Variants in ZNF385D observed in about 807,000 individuals in gnomAD.
ZNF385D encodes the protein zinc finger protein 385D.
ZNF385D carries 15 observed loss-of-function variants against 35.8 expected under a neutral mutation model. The ratio of observed to expected loss-of-function variants is 0.42; its 90% CI spans 0.28 to 0.64. ZNF385D has a LOEUF of 0.64. Ranked by LOEUF, ZNF385D falls within the 30% of genes least tolerant of loss-of-function variation. ZNF385D has a pLI of 0.23. For synonymous variants in ZNF385D, 212 were observed against 186.8 expected (o/e 1.13, Z -1.10); for missense variants, 474 against 494.6 (o/e 0.96, Z 0.39).
chr3:21,659,547 G>T (rs531104434), intron 2 of ZNF385D, among the ~76,000 whole-genome samples: 4 of 152,184 alleles, frequency 2.6e-5, no homozygotes, highest in African/African-American at 9.6e-5. Context: ...ATACAAGGAA[G>T]GCTCGTAGCA....
At chr3:21,893,083 G>C (rs763642636) in intron 3 of ZNF385D, among the ~76,000 whole-genome samples, 1 of 152,150 alleles carries the variant, frequency 6.6e-6, no homozygotes, top group African/African-American at 2.4e-5. Flanking sequence ...CTGAATGGTG[G>C]CTGTAACACT....
At chr3:21,551,233 G>T (rs1414772060) in intron 3 of ZNF385D, among the ~76,000 whole-genome samples, 2 of 152,154 alleles carry the variant, frequency 1.3e-5, no homozygotes, top group African/African-American at 4.8e-5. Context: ...CCATGCCATT[G>T]TAGTAACAAC....
intron 4 of ZNF385D, among the ~76,000 whole-genome samples, chr3:21,472,042 C>T (rs1703927918): frequency 1.3e-5 from 2 of 152,014 alleles, no homozygotes. Flanking sequence ...CACAGTGTGA[C>T]CTGAATATTT....
rs1468048939 is a variant in ZNF385D at position 22,244,295 on chromosome 3, G to C, written c.107-75260C>G. ...TATCTTGAAATTGTGTTACTCTTTG[G>C]AGAGTTTTAAGATAAACTCTCTCGC... On this transcript the variant is annotated intron_variant, in intron 2 of 5. Transcript: ENST00000494108. Among the ~76,000 whole-genome samples, 6 of 139,660 alleles carry C rather than the reference G, an allele frequency of 4.3e-5. 1 individual carries two copies. Among genetic ancestry groups the C allele is most frequent in the African/African-American group, 1.6e-4 (6 of 36,978 alleles). The allele number at this position is 139,660 out of a possible 152,430, so 91.6% of individuals were successfully genotyped here. A position where few individuals can be genotyped will look rare whatever the true frequency, so the allele number is the denominator to read the frequency against.
At chr3:21,851,388 T>C (rs568630607) in intron 3 of ZNF385D, among the ~76,000 whole-genome samples, 3 of 152,124 alleles carry the variant, frequency 2.0e-5, no homozygotes, top group Non-Finnish European at 4.4e-5. Flanking sequence ...ATACACTCAA[T>C]ATATGTCCAG....
chr3:21,741,304 C>A (rs1306489262), intron 1 of ZNF385D, among the ~76,000 whole-genome samples: 3 of 152,160 alleles, frequency 2.0e-5, no homozygotes, highest in Non-Finnish European at 4.4e-5. Flanking sequence ...TAGGATCCTA[C>A]ACAACTTTTC....
chr3:21,622,823 C>A (rs1460509394), intron 2 of ZNF385D, among the ~76,000 whole-genome samples: 1 of 151,970 alleles, frequency 6.6e-6, no homozygotes, highest in Non-Finnish European at 1.5e-5. Flanking sequence ...AAATTCATGT[C>A]TCTAAATTAA....
intron 2 of ZNF385D, among the ~76,000 whole-genome samples, chr3:21,593,992 G>T (rs917201548): frequency 1.3e-5 from 2 of 152,008 alleles, no homozygotes; most frequent in Non-Finnish European, 2.9e-5. Context: ...TGGTTATACT[G>T]AAACAGTTAA....
intron 3 of ZNF385D, among the ~76,000 whole-genome samples, chr3:22,150,599 TCTTC>T (rs1340438158): frequency 6.6e-6 from 1 of 152,136 alleles, no homozygotes; most frequent in Non-Finnish European, 1.5e-5. Flanking sequence ...ATTTCTAATC[TCTTC>T]CTTCAGGCTA....
Position 21,564,692 on chromosome 3 carries a change from G to C in ZNF385D, c.166-8C>G. The C allele has an allele frequency of 6.7e-7, 1 of 1,503,534 alleles. No individual in the cohort carries two copies. The highest frequency in any genetic ancestry group is 9.0e-7 in the Non-Finnish European group (1 of 1,116,296). The allele number at this position is 1,503,534 out of a possible 1,614,324, so 93.1% of individuals were successfully genotyped here. A position where few individuals can be genotyped will look rare whatever the true frequency, so the allele number is the denominator to read the frequency against. On this transcript the variant is annotated splice_polypyrimidine_tract_variant and splice_region_variant and intron_variant, in intron 2 of 7. Transcript: ENST00000281523. ...TTTCTGAATCGGGTCCATCTGTAAT[G>C]AGAAAAAAGAAATACAACAAATAGA...
chr3:21,845,259 G>C lies in ZNF385D; in HGVS notation c.326-180231C>G, dbSNP rs541378903. ...AAACATAAAGAAGAAAAACAGTATT[G>C]AGATTTAAATTTGCCTGGAGGAAAC... On this transcript the variant is annotated intron_variant, in intron 3 of 5. Transcript: ENST00000494108. 5.3e-4 allele frequency among the ~76,000 whole-genome samples: 81 copies of C among 152,008 alleles called. 1 individual carries two copies. The highest frequency in any genetic ancestry group is 1.1e-3 in the Admixed American group (16 of 15,216).
intron 3 of ZNF385D, among the ~76,000 whole-genome samples, chr3:21,904,852 G>T (rs1222398620): frequency 6.6e-6 from 1 of 152,102 alleles, no homozygotes; most frequent in Non-Finnish European, 1.5e-5. Flanking sequence ...TTTGCATTAT[G>T]TTGTTGAGAC....
Position 21,539,591 on chromosome 3 carries a change from T to C in ZNF385D, c.276+24983A>G, listed in dbSNP as rs1406231909. Reference sequence around the variant, plus strand: ...TAAATGTTAAAATGATTCTCTAAATTATTGTTTCAGATTTTATAAAGTGAT... The same window carrying C: ...TAAATGTTAAAATGATTCTCTAAATCATTGTTTCAGATTTTATAAAGTGAT... On this transcript the variant is annotated intron_variant, in intron 3 of 7. Coordinates refer to ENST00000281523, the MANE Select transcript of ZNF385D (RefSeq NM_024697.3). The surrounding 1 kb of genome is among the most constrained non-coding windows in gnomAD (Gnocchi z 4.0). Among the ~76,000 whole-genome samples, 1 of 152,134 alleles carries C rather than the reference T, an allele frequency of 6.6e-6. No individual in the cohort carries two copies. The highest frequency in any genetic ancestry group is 2.4e-5 in the African/African-American group (1 of 41,448).
intron 2 of ZNF385D, among the ~76,000 whole-genome samples, chr3:22,199,606 T>C (rs1159282346): frequency 6.6e-6 from 1 of 152,094 alleles, no homozygotes; most frequent in African/African-American, 2.4e-5. Flanking sequence ...ATACGGATTG[T>C]TACTACTGGA....
chr3:22,126,233 G>C (rs1305642016), intron 3 of ZNF385D, among the ~76,000 whole-genome samples: 1 of 149,838 alleles, frequency 6.7e-6, no homozygotes, highest in Non-Finnish European at 1.5e-5. Context: ...TGCATATATT[G>C]AGCCATCCTT....
At chr3:22,216,765 G>T (rs1006324062) in intron 2 of ZNF385D, among the ~76,000 whole-genome samples, 2 of 152,094 alleles carry the variant, frequency 1.3e-5, no homozygotes, top group African/African-American at 4.8e-5. Flanking sequence ...TTCCTTTGCA[G>T]TTAGAAGTGG....
chr3:22,049,231 G>A (rs1166465846), intron 3 of ZNF385D, among the ~76,000 whole-genome samples: 1 of 151,574 alleles, frequency 6.6e-6, no homozygotes, highest in South Asian at 2.1e-4. Context: ...GGGAGGCAGA[G>A]GTTGCAGTGA....
chr3:22,072,756 T>A (rs192802618), intron 3 of ZNF385D, among the ~76,000 whole-genome samples: 1 of 151,024 alleles, frequency 6.6e-6, no homozygotes, highest in Non-Finnish European at 1.5e-5. Context: ...AGAAGAAATA[T>A]TGAAGGTTGG....
At chr3:22,091,599 A>C (rs987995793) in intron 3 of ZNF385D, among the ~76,000 whole-genome samples, 4 of 151,796 alleles carry the variant, frequency 2.6e-5, no homozygotes, top group African/African-American at 9.7e-5. Flanking sequence ...GGAAAAAAAA[A>C]GCCCTCTAGG....
Sources: allele counts gnomAD v4.1 joint callset (sites outside exome capture counted in the v4.1 genomes callset), GRCh38; gene constraint gnomAD v4.1.1; non-coding constraint Gnocchi (gnomAD v3.1); transcripts MANE v1.5; gene names NCBI Gene and HGNC (gene_info 2026-07-23, HGNC 2026-07-21).